ECHDC3: variants seen among roughly 807,000 people sequenced by gnomAD.
ECHDC3 encodes the protein enoyl-CoA hydratase domain containing 3.
ECHDC3 carries 20 observed loss-of-function variants against 17.9 expected under a neutral mutation model. The observed-to-expected ratio is 1.12, with a 90% CI of 0.79 to 1.63. ECHDC3 has a LOEUF of 1.63. ECHDC3 is among the 40% of genes most tolerant of loss of function. ECHDC3 has a pLI of 0.00. For synonymous variants in ECHDC3, 177 were observed against 149.7 expected (o/e 1.18, Z -1.33); for missense variants, 407 against 357.7 (o/e 1.14, Z -1.11).
chr10:11,751,525 T>G (rs928435746), intron 3 of ECHDC3, among the ~76,000 whole-genome samples: 1 of 152,240 alleles, frequency 6.6e-6, no homozygotes, highest in African/African-American at 2.4e-5. Context: ...GAGCTAGATA[T>G]TTCATTGTTC....
chr10:11,755,514 C>T lies in ECHDC3; in HGVS notation c.497C>T (p.Ala166Val), dbSNP rs753422390. Residue 166 changes from alanine (A) to valine (V), a missense_variant, in exon 4 of 5, where the codon GCG becomes GTG. Transcript: ENST00000379215. ...GTTGCCAGCTGCGACATTGCCGTGG[C>T]GAGCGACAAGTCCTCTTTTGCCACT... ...QLVASCDIAV[A>V]SDKSSFATPG... The T allele has an allele frequency of 1.6e-5, 26 of 1,613,950 alleles. No homozygotes were observed. The highest frequency in any genetic ancestry group is 3.3e-5 in the Admixed American group (2 of 60,014).
rs1463403344 is a variant in ECHDC3 at position 11,742,591 on chromosome 10, C to T, written c.15C>T (p.Ala5=). 4 of 1,289,286 alleles carry T rather than the reference C, an allele frequency of 3.1e-6. No homozygotes were observed. In the African/African-American group the frequency reaches 6.2e-5, roughly 20 times the overall value. The allele number at this position is 1,289,286 out of a possible 1,614,324, so 79.9% of individuals were successfully genotyped here. The change falls in exon 1 of 5, where the codon GCC becomes GCT. Residue 5 remains alanine (A), a synonymous_variant. Transcript: ENST00000379215. MAAV[A]VLRAFGASGP... is the part of the protein sequence containing the mutation. ...TCCCGAATGCTATGGCCGCCGTCGC[C>T]GTCTTGCGGGCCTTCGGGGCAAGTG...
intron 4 of ECHDC3, among the ~76,000 whole-genome samples, chr10:11,762,800 C>T (rs1832969479): frequency 6.6e-6 from 1 of 152,134 alleles, no homozygotes; most frequent in Non-Finnish European, 1.5e-5. Flanking sequence ...AAGGTGACAG[C>T]CCCGTGACTG....
chr10:11,744,999 C>T (rs974780191), intron 1 of ECHDC3, among the ~76,000 whole-genome samples: 18 of 152,116 alleles, frequency 1.2e-4, no homozygotes, highest in Admixed American at 1.2e-3. Context: ...GAACAGAGGG[C>T]TAGTAGCCCA....
Position 11,742,563 on chromosome 10 carries a change from C to T in ECHDC3, c.-14C>T, listed in dbSNP as rs752614044. On this transcript the variant is annotated 5_prime_UTR_variant, in exon 1 of 5. Coordinates refer to ENST00000379215, the MANE Select transcript of ECHDC3 (RefSeq NM_024693.5). ...GGCAGCGCGATCCTGCGGCGTCTGG[C>T]CATCCCGAATGCTATGGCCGCCGTC... is the stretch of plus-strand genomic sequence containing the variant. 1.7e-5 allele frequency: 22 copies of T among 1,272,700 alleles called. No homozygotes were observed. In the East Asian group the frequency reaches 7.0e-4, roughly 40 times the overall value. The allele number at this position is 1,272,700 out of a possible 1,614,324, so 78.8% of individuals were successfully genotyped here. A position where few individuals can be genotyped will look rare whatever the true frequency, so the allele number is the denominator to read the frequency against.
chr10:11,758,882 C>G (rs1338018642), intron 4 of ECHDC3, among the ~76,000 whole-genome samples: 3 of 152,234 alleles, frequency 2.0e-5, no homozygotes, highest in Non-Finnish European at 1.5e-5. Context: ...GCTCCTCACC[C>G]TGCTGCTGGT....
chr10:11,743,528 G>A lies in ECHDC3; in HGVS notation c.170+782G>A, dbSNP rs116381544. Among the ~76,000 whole-genome samples the A allele has an allele frequency of 3.2e-3, 492 of 152,216 alleles. 4 individuals carry two copies. Among genetic ancestry groups the A allele is most frequent in the African/African-American group, 0.011 (472 of 41,534 alleles). On this transcript the variant is annotated intron_variant, in intron 1 of 4. Coordinates refer to ENST00000379215, the MANE Select transcript of ECHDC3 (RefSeq NM_024693.5). The stretch of plus-strand genomic sequence containing the variant: ...CTCATCCTTTCCTACCTTTGCACCC[G>A]TCCTTTCTGCTGCTCTGCAAGGGGC...
intron 3 of ECHDC3, 160 bp from the exon 4 acceptor site, chr10:11,755,248 C>A (rs1832871373): frequency 1.6e-6 from 1 of 613,110 alleles, no homozygotes; most frequent in South Asian, 2.4e-5. Flanking sequence ...ATGGCTTGAA[C>A]TCGGGAGGAA....
At chr10:11,743,039 C>A in intron 1 of ECHDC3, 1 of 302,652 alleles carries the variant, frequency 3.3e-6, no homozygotes, top group Non-Finnish European at 6.0e-6. Context: ...CCAGACCCGG[C>A]CCTAGGGGAA....
Position 11,763,441 on chromosome 10 carries a change from C to A in ECHDC3, c.809C>A (p.Thr270Asn), listed in dbSNP as rs754808004. The A allele has an allele frequency of 1.3e-5, 11 of 870,420 alleles. No individual in the cohort carries two copies. The highest frequency in any genetic ancestry group is 1.8e-5 in the Non-Finnish European group (9 of 510,716). 53.9% of individuals were successfully genotyped at this position (870,420 alleles called of 1,614,324 possible). The change falls in exon 5 of 5, where the codon ACC becomes AAC. Residue 270 changes from threonine (T) to asparagine (N), a missense_variant. Physicochemically the swap from Thr to Asn is moderately conservative, Grantham distance 65. Transcript: ENST00000379215. The surrounding 1 kb of genome is among the most constrained non-coding windows in gnomAD (Gnocchi z 4.9). ...PQDLGTAYYL[T>N]SQAMVDNLAL... is the part of the protein sequence containing the mutation. ...GACCTGGGGACGGCTTACTACCTCA[C>A]CTCCCAGGCCATGGTGGACAACCTG...
chr10:11,742,480 C>T lies in ECHDC3; in HGVS notation c.-97C>T. 3.4e-6 allele frequency: 4 copies of T among 1,166,082 alleles called. No homozygotes were observed. Among genetic ancestry groups the T allele is most frequent in the Non-Finnish European group, 4.3e-6 (4 of 928,958 alleles). 72.2% of individuals were successfully genotyped at this position (1,166,082 alleles called of 1,614,324 possible). A position where few individuals can be genotyped will look rare whatever the true frequency, so the allele number is the denominator to read the frequency against. On this transcript the variant is annotated 5_prime_UTR_variant, in exon 1 of 5. Coordinates refer to ENST00000379215, the MANE Select transcript of ECHDC3 (RefSeq NM_024693.5). ...GGCCACCGTCGAGTTCCGTCGAGTT[C>T]CGTCCCGGCCCTGCTCACAGCAGCG...
rs191498155 is a variant in ECHDC3, at chr10:11,745,592, T to C, written c.171-1757T>C. Among the ~76,000 whole-genome samples, 10 of 152,346 alleles carry C rather than the reference T, an allele frequency of 6.6e-5. No individual in the cohort carries two copies. The East Asian group carries it at 1.2e-3, about 18-fold the overall frequency. ...ATTCCAAAGAAAGTGGTTATTCTTA[T>C]TGAAATCAATTCAGTCATCAAACTT... On this transcript the variant is annotated intron_variant, in intron 1 of 4. Transcript: ENST00000379215.
At chr10:11,747,689 C>A (rs865942209) in intron 2 of ECHDC3, among the ~76,000 whole-genome samples, 1 of 152,214 alleles carries the variant, frequency 6.6e-6, no homozygotes, top group Non-Finnish European at 1.5e-5. Context: ...GAAACTATGT[C>A]TTTTCCTTTT....
At chr10:11,760,894 C>T (rs1832942714) in intron 4 of ECHDC3, among the ~76,000 whole-genome samples, 2 of 152,362 alleles carry the variant, frequency 1.3e-5, no homozygotes, top group African/African-American at 4.8e-5. Flanking sequence ...CACGCTTTGG[C>T]ATGAAGTGCT....
chr10:11,749,225 C>A (rs1439630598), intron 2 of ECHDC3, among the ~76,000 whole-genome samples: 1 of 152,170 alleles, frequency 6.6e-6, no homozygotes, highest in East Asian at 1.9e-4. Context: ...GAATCTTCTC[C>A]TTATGTAATT....
chr10:11,763,313 G>A lies in ECHDC3; in HGVS notation c.681G>A (p.Ala227=), dbSNP rs139832874. The A allele has an allele frequency of 5.0e-5, 39 of 780,250 alleles. No individual in the cohort carries two copies. The highest frequency in any genetic ancestry group is 4.1e-4 in the African/African-American group (24 of 59,242). 48.3% of individuals were successfully genotyped at this position (780,250 alleles called of 1,614,324 possible). A position where few individuals can be genotyped will look rare whatever the true frequency, so the allele number is the denominator to read the frequency against. The change falls in exon 5 of 5, where the codon GCG becomes GCA. Residue 227 remains alanine, a synonymous_variant. Coordinates refer to ENST00000379215, the MANE Select transcript of ECHDC3 (RefSeq NM_024693.5). This position sits in a 1 kb window ranked among gnomAD's most constrained non-coding sequence, Gnocchi z 4.9. ...HGLLSKVVPE[A]ELQEETMRIA... is the part of the protein sequence containing the mutation. Reference sequence around the variant, plus strand: ...TGCTTAGCAAGGTGGTGCCAGAGGCGGAGCTGCAGGAGGAGACCATGCGGA... The same window carrying A: ...TGCTTAGCAAGGTGGTGCCAGAGGCAGAGCTGCAGGAGGAGACCATGCGGA...
chr10:11,758,611 G>T (rs1353495859), intron 4 of ECHDC3, among the ~76,000 whole-genome samples: 1 of 152,212 alleles, frequency 6.6e-6, no homozygotes, highest in Non-Finnish European at 1.5e-5. Flanking sequence ...GGTTGGGAGT[G>T]AAGTTTTAGA....
chr10:11,747,560 T>A, intron 2 of ECHDC3, 90 bp downstream of exon 2: 4 of 1,474,060 alleles, frequency 2.7e-6, no homozygotes, highest in Non-Finnish European at 3.7e-6. Context: ...TTTATTTAAC[T>A]GGAGAATTGT....
chr10:11,748,263 T>C (rs1341002643), intron 2 of ECHDC3, among the ~76,000 whole-genome samples: 1 of 152,168 alleles, frequency 6.6e-6, no homozygotes, highest in African/African-American at 2.4e-5. Context: ...AGTCTTGCCC[T>C]GTTGCCCAGG....
Sources: allele counts gnomAD v4.1 joint callset (sites outside exome capture counted in the v4.1 genomes callset), GRCh38; gene constraint gnomAD v4.1.1; non-coding constraint Gnocchi (gnomAD v3.1); transcripts MANE v1.5; gene names NCBI Gene and HGNC (gene_info 2026-07-23, HGNC 2026-07-21).